RGS7: variants seen among roughly 807,000 people sequenced by gnomAD.
RGS7 encodes regulator of G protein signaling 7.
In RGS7, 27 loss-of-function variants were observed where a neutral mutation model predicts 81.1. That is an observed-to-expected ratio of 0.33 (90% CI 0.25 to 0.46). The LOEUF (loss-of-function observed/expected upper bound fraction) is 0.46, where lower values mean the gene tolerates loss of function less well. Ranked by LOEUF, RGS7 falls within the 20% of genes least tolerant of loss-of-function variation. The probability of loss-of-function intolerance (pLI) is 1.00; values close to 1 mark genes in which losing one functional copy is unlikely to be tolerated. For synonymous variants in RGS7, 208 were observed against 207.7 expected (o/e 1.00, Z -0.01); for missense variants, 396 against 607.4 (o/e 0.65, Z 3.66).
intron 6 of RGS7, among the ~76,000 whole-genome samples, chr1:240,904,826 A>G (rs578132946): frequency 6.6e-6 from 1 of 152,334 alleles, no homozygotes; most frequent in South Asian, 2.1e-4. Context: ...AAAATGTTGA[A>G]TAAGGGACAG....
chr1:241,343,175 T>G (rs2082674911), intron 2 of RGS7, among the ~76,000 whole-genome samples: 1 of 149,948 alleles, frequency 6.7e-6, no homozygotes, highest in Admixed American at 6.7e-5. Flanking sequence ...GGCAGGAGAA[T>G]GGCGTGAACC....
chr1:241,152,822 C>G (rs571593966), intron 2 of RGS7, among the ~76,000 whole-genome samples: 1 of 152,232 alleles, frequency 6.6e-6, no homozygotes, highest in Non-Finnish European at 1.5e-5. Flanking sequence ...GCAATGCCCC[C>G]ATTTGCCAGA....
chr1:241,321,869 C>T (rs35727099), intron 2 of RGS7, among the ~76,000 whole-genome samples: 32,095 of 152,006 alleles, frequency 0.21, 3,663 homozygotes, highest in Non-Finnish European at 0.26. Context: ...TCCAAACCGC[C>T]GTTCTAGAAT....
intron 6 of RGS7, among the ~76,000 whole-genome samples, chr1:240,884,833 C>G (rs1667067681): frequency 6.6e-6 from 1 of 152,132 alleles, no homozygotes; most frequent in African/African-American, 2.4e-5. Context: ...CCATCCTGGA[C>G]ACAGGAACGG....
chr1:240,838,541 G>A (rs1695070085), intron 9 of RGS7, among the ~76,000 whole-genome samples: 1 of 152,066 alleles, frequency 6.6e-6, no homozygotes, highest in East Asian at 1.9e-4. Context: ...TTTCCAAAAA[G>A]AGAAAAAGAT....
intron 2 of RGS7, among the ~76,000 whole-genome samples, chr1:241,132,057 C>T (rs1272611546): frequency 1.3e-5 from 2 of 152,150 alleles, no homozygotes; most frequent in African/African-American, 2.4e-5. Flanking sequence ...TGGTATGTCT[C>T]GCAAAGGACC....
chr1:241,126,697 C>G (rs571774517), intron 2 of RGS7, among the ~76,000 whole-genome samples: 1 of 152,290 alleles, frequency 6.6e-6, no homozygotes, highest in East Asian at 1.9e-4. Flanking sequence ...CCCCCATACA[C>G]CCACTAGAGA....
At chr1:241,352,533 T>G (rs919858555) in intron 2 of RGS7, among the ~76,000 whole-genome samples, 1 of 152,234 alleles carries the variant, frequency 6.6e-6, no homozygotes, top group African/African-American at 2.4e-5. Flanking sequence ...TGACATCAAA[T>G]GAACTCTACT....
chr1:240,797,373 C>T (rs11804708), intron 18 of RGS7, among the ~76,000 whole-genome samples: 2,672 of 152,200 alleles, frequency 0.018, 80 homozygotes, highest in African/African-American at 0.061. Context: ...TTTTTTCAGA[C>T]AGAGTTTCTC....
chr1:241,211,394 C>A (rs546959413), intron 2 of RGS7, among the ~76,000 whole-genome samples: 2 of 152,256 alleles, frequency 1.3e-5, no homozygotes, highest in East Asian at 3.9e-4. Context: ...TCTGAAACAG[C>A]AACTTCATTG....
At chr1:241,097,261 C>T (rs371452417) in intron 3 of RGS7, among the ~76,000 whole-genome samples, 19 of 151,860 alleles carry the variant, frequency 1.3e-4, no homozygotes, top group African/African-American at 4.6e-4. Context: ...AGTGAAGCCA[C>T]AGATGTAAAA....
intron 2 of RGS7, among the ~76,000 whole-genome samples, chr1:241,126,575 C>T (rs1167448079): frequency 6.6e-6 from 1 of 152,200 alleles, no homozygotes; most frequent in Admixed American, 6.5e-5. Flanking sequence ...AGTTACTCAG[C>T]ATTTTGTTGC....
At chr1:241,143,868 G>T (rs59521842) in intron 2 of RGS7, among the ~76,000 whole-genome samples, 10,177 of 152,164 alleles carry the variant, frequency 0.067, 619 homozygotes, top group East Asian at 0.17. Flanking sequence ...CCCTTATAAA[G>T]GAGGCCTGAG....
At chr1:240,999,915 T>G (rs1687887193) in intron 3 of RGS7, among the ~76,000 whole-genome samples, 1 of 152,200 alleles carries the variant, frequency 6.6e-6, no homozygotes, top group Non-Finnish European at 1.5e-5. Flanking sequence ...ATGAATGTTT[T>G]TTAAAATTGA....
intron 6 of RGS7, chr1:240,920,247 G>T: frequency 8.0e-7 from 1 of 1,249,512 alleles, no homozygotes; most frequent in Admixed American, 1.7e-5. Flanking sequence ...AAGTGGTTCT[G>T]GAAACTTTGG....
chr1:240,790,403 C>T (rs1685788364), intron 18 of RGS7, among the ~76,000 whole-genome samples: 2 of 152,096 alleles, frequency 1.3e-5, no homozygotes, highest in South Asian at 4.1e-4. Flanking sequence ...TCCCCACAAC[C>T]CCTTGCCTCA....
chr1:241,262,533 T>C (rs1222901346), intron 2 of RGS7, among the ~76,000 whole-genome samples: 1 of 152,230 alleles, frequency 6.6e-6, no homozygotes, highest in African/African-American at 2.4e-5. Flanking sequence ...GAGAGATTTG[T>C]TTGTGAGCTT....
At chr1:240,896,343 C>T (rs936492674) in intron 6 of RGS7, among the ~76,000 whole-genome samples, 1 of 152,196 alleles carries the variant, frequency 6.6e-6, no homozygotes, top group African/African-American at 2.4e-5. Flanking sequence ...GTGTTTTAGA[C>T]ATGAAGTCCT....
At chr1:241,259,667 A>AAAAAAAAAAAAATATATATATATAT in intron 2 of RGS7, among the ~76,000 whole-genome samples, 1 of 49,136 alleles carries the variant, frequency 2.0e-5, no homozygotes, top group African/African-American at 8.0e-5. Flanking sequence ...AAAAAAAAAA[A>AAAAAAAAAAAAATATATATATATAT]ATATATATAT....
Sources: gnomAD v4.1 joint callset for allele counts (sites outside exome capture counted in the v4.1 genomes callset) on GRCh38, gnomAD v4.1.1 for gene constraint, MANE v1.5 for transcripts, NCBI Gene and HGNC (gene_info 2026-07-23, HGNC 2026-07-21) for gene names.